DCC: variants seen among roughly 807,000 people sequenced by gnomAD.
DCC encodes the protein DCC netrin 1 receptor, also known as netrin receptor DCC.
In DCC, 58 loss-of-function variants were observed where a neutral mutation model predicts 172.5. The observed-to-expected ratio is 0.34, with a 90% CI of 0.27 to 0.42. The LOEUF (loss-of-function observed/expected upper bound fraction) is 0.42. Ranked by LOEUF, DCC falls within the 10% of genes least tolerant of loss-of-function variation. The pLI, the probability that DCC is intolerant of heterozygous loss-of-function variation, is 1.00. For missense variants in DCC, 1,740 were observed against 1,791.0 expected (o/e 0.97, Z 0.51); for synonymous variants, 709 against 644.5 (o/e 1.10, Z -1.52).
chr18:53,130,836 A>G (rs151336442), intron 7 of DCC, among the ~76,000 whole-genome samples: 1 of 151,658 alleles, frequency 6.6e-6, no homozygotes, highest in African/African-American at 2.4e-5. Context: ...TGTGTTTTCT[A>G]CTTTCCTGAA....
intron 1 of DCC, among the ~76,000 whole-genome samples, chr18:52,372,345 A>G (rs772921740): frequency 6.6e-6 from 1 of 152,144 alleles, no homozygotes; most frequent in Non-Finnish European, 1.5e-5. Flanking sequence ...TCTTGCAAAA[A>G]CACATGTGCT....
intron 19 of DCC, among the ~76,000 whole-genome samples, chr18:53,403,329 T>G (rs905091820): frequency 6.6e-6 from 1 of 152,176 alleles, no homozygotes; most frequent in African/African-American, 2.4e-5. Context: ...TACGGAGGTT[T>G]GGGGATTTTT....
At position 52,745,830 on chromosome 18, in the gene DCC, A is replaced by G. The variant is rs138276604; in HGVS notation, c.92-6224A>G. Among the ~76,000 whole-genome samples the G allele has an allele frequency of 5.4e-3, 815 of 152,238 alleles. 3 individuals carry two copies. Among genetic ancestry groups the G allele is most frequent in the Non-Finnish European group, 8.7e-3 (592 of 68,012 alleles). On this transcript the variant is annotated intron_variant, in intron 1 of 28. Transcript: ENST00000442544. The stretch of plus-strand genomic sequence containing the variant: ...CCCAGCCTCTTGTAACCATTGTTCT[A>G]CTTAACATTGTGCGTTTTCAGCAGG...
At chr18:53,094,382 A>G (rs4453578) in intron 7 of DCC, among the ~76,000 whole-genome samples, 103,554 of 152,106 alleles carry the variant, frequency 0.68, 36,826 homozygotes, top group African/African-American at 0.87. Flanking sequence ...TAACTAGAAG[A>G]TCATAAAGCT....
chr18:52,937,858 T>A (rs182120354), intron 5 of DCC, among the ~76,000 whole-genome samples: 1 of 151,982 alleles, frequency 6.6e-6, no homozygotes, highest in Non-Finnish European at 1.5e-5. Context: ...TCCAACCTAC[T>A]CCAGTGTACA....
At chr18:53,411,619 C>A (rs373126907) in intron 20 of DCC, among the ~76,000 whole-genome samples, 3 of 152,002 alleles carry the variant, frequency 2.0e-5, no homozygotes, top group Non-Finnish European at 2.9e-5. Context: ...GGAAAGGTAC[C>A]CTAGTAAATA....
intron 9 of DCC, among the ~76,000 whole-genome samples, chr18:53,202,387 G>A (rs2055552265): frequency 6.6e-6 from 1 of 152,054 alleles, no homozygotes; most frequent in African/African-American, 2.4e-5. Context: ...TTATAAAAAG[G>A]AATCCATGTG....
At chr18:53,469,823 T>C (rs1269176431) in intron 25 of DCC, among the ~76,000 whole-genome samples, 2 of 152,214 alleles carry the variant, frequency 1.3e-5, no homozygotes, top group Non-Finnish European at 2.9e-5. Context: ...GCTTTCTTAT[T>C]AGTTTTAATA....
intron 9 of DCC, among the ~76,000 whole-genome samples, chr18:53,202,562 G>T (rs545707163): frequency 6.6e-6 from 1 of 152,330 alleles, no homozygotes; most frequent in African/African-American, 2.4e-5. Flanking sequence ...AGAACCATTA[G>T]TAGATGCTAA....
chr18:53,319,890 T>C (rs1359928527), intron 13 of DCC, among the ~76,000 whole-genome samples: 3 of 152,110 alleles, frequency 2.0e-5, no homozygotes, highest in African/African-American at 7.2e-5. Context: ...CAAAATACCT[T>C]CACAGTAATA....
chr18:52,764,437 T>C (rs1469231483), intron 2 of DCC, among the ~76,000 whole-genome samples: 1 of 152,194 alleles, frequency 6.6e-6, no homozygotes. Flanking sequence ...TGGGAGGTGT[T>C]TGTGTTATGA....
intron 1 of DCC, among the ~76,000 whole-genome samples, chr18:52,730,128 T>C (rs2036615125): frequency 6.6e-6 from 1 of 152,160 alleles, no homozygotes; most frequent in African/African-American, 2.4e-5. Context: ...TTACCTATGA[T>C]TATGTAAGAG....
At chr18:52,871,027 T>G (rs986611473) in intron 2 of DCC, among the ~76,000 whole-genome samples, 2 of 152,144 alleles carry the variant, frequency 1.3e-5, no homozygotes, top group Admixed American at 1.3e-4. Flanking sequence ...GGGATTGGAC[T>G]TTTCCAGCAC....
At chr18:53,187,730 A>G (rs2055304809) in intron 9 of DCC, among the ~76,000 whole-genome samples, 1 of 152,162 alleles carries the variant, frequency 6.6e-6, no homozygotes, top group South Asian at 2.1e-4. Context: ...TTTAACTCCA[A>G]TGTTCTTACA....
intron 2 of DCC, among the ~76,000 whole-genome samples, chr18:52,829,592 C>G (rs567268368): frequency 3.0e-4 from 46 of 152,302 alleles, no homozygotes; most frequent in Middle Eastern, 3.4e-3. Context: ...AAGAGTCTGA[C>G]AGGACCCCAC....
chr18:53,139,658 C>T (rs2043801472), intron 7 of DCC, among the ~76,000 whole-genome samples: 1 of 152,054 alleles, frequency 6.6e-6, no homozygotes, highest in East Asian at 1.9e-4. Flanking sequence ...GCTATTGTCA[C>T]CCACATTTTA....
At chr18:52,782,590 A>G (rs974023134) in intron 2 of DCC, among the ~76,000 whole-genome samples, 1 of 152,012 alleles carries the variant, frequency 6.6e-6, no homozygotes, top group Non-Finnish European at 1.5e-5. Context: ...CTTGCATTCA[A>G]TCCCAAATAC....
At chr18:53,134,468 C>G (rs2043707470) in intron 7 of DCC, among the ~76,000 whole-genome samples, 1 of 152,072 alleles carries the variant, frequency 6.6e-6, no homozygotes, top group Admixed American at 6.6e-5. Context: ...CTCAAGAATG[C>G]TGCATTACTA....
At chr18:52,517,323 T>C (rs1301943) in intron 1 of DCC, among the ~76,000 whole-genome samples, 36,800 of 152,172 alleles carry the variant, frequency 0.24, 4,612 homozygotes, top group African/African-American at 0.29. Context: ...ACCACTAGTT[T>C]AAAGAATAAA....
Sources: allele counts gnomAD v4.1 joint callset (sites outside exome capture counted in the v4.1 genomes callset), GRCh38; gene constraint gnomAD v4.1.1; transcripts MANE v1.5; gene names NCBI Gene and HGNC (gene_info 2026-07-23, HGNC 2026-07-21).